SMOC2: variants seen among roughly 807,000 people sequenced by gnomAD.
SMOC2 encodes the protein SPARC related modular calcium binding 2, also known as SPARC-related modular calcium-binding protein 2.
SMOC2 carries 39 observed loss-of-function variants against 61.4 expected under a neutral mutation model. That is an observed-to-expected ratio of 0.64 (90% CI 0.49 to 0.83). The LOEUF is 0.83. SMOC2 is among the 40% of genes least tolerant of loss of function. The probability of loss-of-function intolerance (pLI) is 0.00; values close to 1 mark genes in which losing one functional copy is unlikely to be tolerated. For missense variants in SMOC2, 556 were observed against 592.9 expected (o/e 0.94, Z 0.65); for synonymous variants, 247 against 239.9 (o/e 1.03, Z -0.27).
At chr6:168,587,452 G>A (rs1328581078) in intron 7 of SMOC2, among the ~76,000 whole-genome samples, 1 of 152,236 alleles carries the variant, frequency 6.6e-6, no homozygotes, top group Non-Finnish European at 1.5e-5. Flanking sequence ...ACATCAATCA[G>A]TATGTGTAAG....
At chr6:168,567,834 C>G (rs906589519) in intron 7 of SMOC2, among the ~76,000 whole-genome samples, 83 of 150,912 alleles carry the variant, frequency 5.5e-4, no homozygotes, top group Non-Finnish European at 1.5e-4. Context: ...CAGGCGAAGA[C>G]TGGATGGTGT....
At chr6:168,558,134 A>G (rs1222222008) in intron 7 of SMOC2, among the ~76,000 whole-genome samples, 1 of 152,230 alleles carries the variant, frequency 6.6e-6, no homozygotes, top group Admixed American at 6.5e-5. Flanking sequence ...CACCAGCAGA[A>G]GCTCTCTCAG....
At position 168,441,473 on chromosome 6, in the gene SMOC2, G is replaced by T; in HGVS notation, c.84+19G>T. The T allele has an allele frequency of 1.3e-6, 2 of 1,485,954 alleles. No homozygotes were observed. The highest frequency in any genetic ancestry group is 1.3e-5 in the South Asian group (1 of 78,044). The allele number at this position is 1,485,954 out of a possible 1,614,324, so 92.0% of individuals were successfully genotyped here. A position where few individuals can be genotyped will look rare whatever the true frequency, so the allele number is the denominator to read the frequency against. ...GCTCACGGTAAGCCCGGGCCCGCGG[G>T]ACCTGGAGCTCAAGTGGTGCCGCCT... is the stretch of plus-strand genomic sequence containing the variant. On this transcript the variant is annotated intron_variant, in intron 1 of 12. Transcript: ENST00000356284.
At chr6:168,574,929 G>T (rs944379296) in intron 7 of SMOC2, among the ~76,000 whole-genome samples, 1 of 152,186 alleles carries the variant, frequency 6.6e-6, no homozygotes, top group African/African-American at 2.4e-5. Context: ...GCCGGGGTGC[G>T]GGGGCTGCTT....
chr6:168,653,258 C>G, intron 11 of SMOC2, 30 bp downstream of exon 11: 1 of 1,438,080 alleles, frequency 7.0e-7, no homozygotes, highest in Non-Finnish European at 9.6e-7. Flanking sequence ...CGACCCTGGG[C>G]AGTGGTCAGG....
At chr6:168,495,048 C>T (rs1040603641) in intron 1 of SMOC2, among the ~76,000 whole-genome samples, 5 of 152,368 alleles carry the variant, frequency 3.3e-5, no homozygotes, top group East Asian at 1.9e-4. Context: ...AGGGAACCTG[C>T]TCACACCATG....
At chr6:168,518,768 C>T (rs186507383) in intron 2 of SMOC2, among the ~76,000 whole-genome samples, 27 of 144,878 alleles carry the variant, frequency 1.9e-4, no homozygotes, top group African/African-American at 4.7e-4. Flanking sequence ...TGTTCATGTG[C>T]GTGTGTGCAT....
chr6:168,647,094 A>G (rs534282867), intron 9 of SMOC2, among the ~76,000 whole-genome samples: 2 of 152,314 alleles, frequency 1.3e-5, no homozygotes, highest in Admixed American at 1.3e-4. Flanking sequence ...TGTATGGGGT[A>G]GCACCTTCGT....
chr6:168,587,358 T>C (rs1785068020), intron 7 of SMOC2, among the ~76,000 whole-genome samples: 1 of 152,234 alleles, frequency 6.6e-6, no homozygotes, highest in African/African-American at 2.4e-5. Context: ...GCCAAGGGTA[T>C]GGATGTACCC....
chr6:168,543,777 A>AT, intron 5 of SMOC2, 105 bp downstream of exon 5: 3 of 1,055,000 alleles, frequency 2.8e-6, no homozygotes, highest in South Asian at 1.4e-5. Flanking sequence ...GATGATGATG[A>AT]GAGCCGAACC....
intron 7 of SMOC2, among the ~76,000 whole-genome samples, chr6:168,567,129 T>C (rs1784563941): frequency 6.6e-6 from 1 of 152,248 alleles, no homozygotes; most frequent in African/African-American, 2.4e-5. Flanking sequence ...TTTGTTTTTC[T>C]GTTTTGGTAT....
chr6:168,623,215 A>G (rs1786288661), intron 9 of SMOC2, among the ~76,000 whole-genome samples: 1 of 152,192 alleles, frequency 6.6e-6, no homozygotes, highest in African/African-American at 2.4e-5. Flanking sequence ...CAAGGTCAAC[A>G]TGCAATACTC....
At position 168,544,534 on chromosome 6, in the gene SMOC2, A is replaced by G. The variant is rs1466094754; in HGVS notation, c.511+862A>G. 6.6e-6 allele frequency among the ~76,000 whole-genome samples: 1 copy of G among 152,098 alleles called. No individual in the cohort carries two copies. Among genetic ancestry groups the G allele is most frequent in the South Asian group, 2.1e-4 (1 of 4,806 alleles). On this transcript the variant is annotated intron_variant, in intron 5 of 12. Coordinates refer to ENST00000356284, the MANE Select transcript of SMOC2 (RefSeq NM_001166412.2). This position sits in a 1 kb window ranked among gnomAD's most constrained non-coding sequence, Gnocchi z 4.1. ...CTAAAAAGACAAAAATTAACCAGGC[A>G]TGGTGGTGCATGCCTGTAATCCCAG... is the stretch of plus-strand genomic sequence containing the variant.
At chr6:168,628,446 G>A (rs1169878041) in intron 9 of SMOC2, among the ~76,000 whole-genome samples, 4 of 152,170 alleles carry the variant, frequency 2.6e-5, no homozygotes, top group African/African-American at 7.2e-5. Flanking sequence ...TACAGTGATG[G>A]TTTGTGACAG....
At chr6:168,562,391 C>CGTTCTCGG (rs1784438731) in intron 7 of SMOC2, among the ~76,000 whole-genome samples, 1 of 44,104 alleles carries the variant, frequency 2.3e-5, no homozygotes, top group Non-Finnish European at 5.1e-5. Context: ...GCTCTCACTG[C>CGTTCTCGG]ATTCTTGGAG....
chr6:168,664,324 GT>G, intron 12 of SMOC2: 4 of 441,896 alleles, frequency 9.1e-6, no homozygotes, highest in Non-Finnish European at 1.7e-5. Flanking sequence ...TTTGAAAAAA[GT>G]TTATTATTTG....
At chr6:168,638,931 C>T (rs1157282949) in intron 9 of SMOC2, among the ~76,000 whole-genome samples, 2 of 152,170 alleles carry the variant, frequency 1.3e-5, no homozygotes, top group Non-Finnish European at 2.9e-5. Flanking sequence ...CTGCTCCGTC[C>T]GTAGTGCATG....
At chr6:168,642,786 C>T (rs1786925476) in intron 9 of SMOC2, among the ~76,000 whole-genome samples, 1 of 152,178 alleles carries the variant, frequency 6.6e-6, no homozygotes. Context: ...ACTTTCCTAA[C>T]ACGATACTTT....
intron 1 of SMOC2, among the ~76,000 whole-genome samples, chr6:168,450,706 G>C (rs1281643384): frequency 6.6e-6 from 1 of 152,148 alleles, no homozygotes; most frequent in Non-Finnish European, 1.5e-5. Flanking sequence ...GGTTCTGTTT[G>C]GAGCTTTGGT....
Sources: allele counts gnomAD v4.1 joint callset (sites outside exome capture counted in the v4.1 genomes callset), GRCh38; gene constraint gnomAD v4.1.1; non-coding constraint Gnocchi (gnomAD v3.1); transcripts MANE v1.5; gene names NCBI Gene and HGNC (gene_info 2026-07-23, HGNC 2026-07-21).